Variants in LTV1 observed in about 807,000 individuals in gnomAD.
LTV1 encodes the protein LTV1 ribosome biogenesis factor.
LTV1 carries 39 observed loss-of-function variants against 59.9 expected under a neutral mutation model. That is an observed-to-expected ratio of 0.65 (90% CI 0.50 to 0.85). The LOEUF (loss-of-function observed/expected upper bound fraction) is 0.85. Among genes scored for constraint, LTV1 ranks in the 40% least tolerant of loss-of-function variants. LTV1 has a pLI of 0.00. For synonymous variants in LTV1, 171 were observed against 189.5 expected (o/e 0.90, Z 0.80); for missense variants, 493 against 549.1 (o/e 0.90, Z 1.02).
Position 143,846,097 on chromosome 6 carries a change from T to A in LTV1, c.182T>A (p.Phe61Tyr). The change falls in exon 3 of 11, where the codon TTC becomes TAC. Residue 61 changes from phenylalanine to tyrosine, a missense_variant. Coordinates refer to ENST00000367576, the MANE Select transcript of LTV1 (RefSeq NM_032860.5). ...RRAEQRKYGV[F>Y]FDDDYDYLQH... ...GCAGAACAGAGGAAGTATGGAGTGTTCTTTGATGACGACTATGACTACCTG... is the reference window on the plus strand; with the variant it reads ...GCAGAACAGAGGAAGTATGGAGTGTACTTTGATGACGACTATGACTACCTG... 1 of 1,614,228 alleles carries A rather than the reference T, an allele frequency of 6.2e-7. No homozygotes were observed.
Position 143,857,988 on chromosome 6 carries a change from A to T in LTV1, c.776A>T (p.His259Leu). 1 of 1,614,060 alleles carries T rather than the reference A, an allele frequency of 6.2e-7. No individual in the cohort carries two copies. The highest frequency in any genetic ancestry group is 8.5e-7 in the Non-Finnish European group (1 of 1,179,992). ...VMRRNEQLTL[H>L]DERFEKFYEQ... is the part of the protein sequence containing the mutation. ...AGGAGAAATGAACAGCTGACCCTAC[A>T]TGATGAGAGGTTTGAGAAGGTAAGG... Residue 259 changes from histidine to leucine, a missense_variant, in exon 6 of 11, where the codon CAT becomes CTT. By Grantham distance (99) the His-to-Leu change is moderately conservative (BLOSUM62 -3). Transcript: ENST00000367576. This position sits in a 1 kb window ranked among gnomAD's most constrained non-coding sequence, Gnocchi z 5.2.
intron 4 of LTV1, among the ~76,000 whole-genome samples, chr6:143,851,093 G>A (rs1232973301): frequency 6.6e-6 from 1 of 152,144 alleles, no homozygotes; most frequent in Non-Finnish European, 1.5e-5. Context: ...AAGAGAACGT[G>A]AATATAGGTA....
At chr6:143,854,712 G>T (rs1397806503) in intron 4 of LTV1, among the ~76,000 whole-genome samples, 3 of 151,994 alleles carry the variant, frequency 2.0e-5, no homozygotes, top group African/African-American at 7.2e-5. Flanking sequence ...TACCCCGTAG[G>T]CATTCAGGAG....
Position 143,860,457 on chromosome 6 carries a change from G to A in LTV1, c.827G>A (p.Gly276Glu), listed in dbSNP as rs1777143532. 2 of 1,613,094 alleles carry A rather than the reference G, an allele frequency of 1.2e-6. No homozygotes were observed. ...GAGCAATATGATGATGATGAAATTG[G>A]AGCTCTGGATAATGCAGAATTGGAA... ...FYEQYDDDEI[G>E]ALDNAELEGS... Residue 276 changes from glycine to glutamate, a missense_variant, in exon 7 of 11, where the codon GGA becomes GAA. By Grantham distance (98) the Gly-to-Glu change is moderately conservative. Coordinates refer to ENST00000367576, the MANE Select transcript of LTV1 (RefSeq NM_032860.5).
At chr6:143,858,359 C>G in intron 6 of LTV1, 1 of 227,532 alleles carries the variant, frequency 4.4e-6, no homozygotes, top group East Asian at 9.5e-5. Context: ...TAGTTTTATT[C>G]TCACTAACTG....
rs1337769874 is a variant in LTV1, at chr6:143,862,710, A to G, written c.1064-134A>G. On this transcript the variant is annotated intron_variant, in intron 8 of 10. Transcript: ENST00000367576. The surrounding 1 kb of genome is among the most constrained non-coding windows in gnomAD (Gnocchi z 4.2). ...CAATACTGAGTTGTAAGCAATTTAT[A>G]AAACATTGATCAGAGACTCCAGTGT... 2 of 640,958 alleles carry G rather than the reference A, an allele frequency of 3.1e-6. No individual in the cohort carries two copies. Among genetic ancestry groups the G allele is most frequent in the South Asian group, 1.9e-5 (1 of 51,382 alleles). 39.7% of individuals were successfully genotyped at this position (640,958 alleles called of 1,614,324 possible).
Position 143,857,682 on chromosome 6 carries a change from T to G in LTV1, c.540-70T>G. On this transcript the variant is annotated intron_variant, in intron 5 of 10. Transcript: ENST00000367576. The surrounding 1 kb of genome is among the most constrained non-coding windows in gnomAD (Gnocchi z 5.2). Reference sequence around the variant, plus strand: ...TTCCTGAAATACCTTCCAATTTTACTTGTGTAAAGTGGTTTTGTTCTGTTA... The same window carrying G: ...TTCCTGAAATACCTTCCAATTTTACGTGTGTAAAGTGGTTTTGTTCTGTTA... The G allele has an allele frequency of 6.5e-7, 1 of 1,534,974 alleles. No homozygotes were observed. The highest frequency in any genetic ancestry group is 2.3e-5 in the East Asian group (1 of 44,316).
At chr6:143,845,942 T>G (rs770072625) in intron 2 of LTV1, 109 bp from the exon 3 acceptor site, 1 of 985,978 alleles carries the variant, frequency 1.0e-6, no homozygotes, top group Non-Finnish European at 1.5e-6. Context: ...GCCTCCTACT[T>G]GGAAAGCTGT....
At chr6:143,848,873 T>C (rs1229360437) in intron 3 of LTV1, among the ~76,000 whole-genome samples, 1 of 152,166 alleles carries the variant, frequency 6.6e-6, no homozygotes, top group Non-Finnish European at 1.5e-5. Flanking sequence ...GCCGAGACAG[T>C]GAGCACTGTG....
intron 4 of LTV1, among the ~76,000 whole-genome samples, 167 bp downstream of exon 4, chr6:143,850,385 T>C (rs924584338): frequency 3.3e-5 from 5 of 152,236 alleles, no homozygotes; most frequent in Non-Finnish European, 2.9e-5. Flanking sequence ...TTTGTATTTT[T>C]GTATTCCTAC....
At position 143,850,105 on chromosome 6, in the gene LTV1, A is replaced by T. The variant is rs147331540; in HGVS notation, c.310-26A>T. The T allele has an allele frequency of 3.9e-4, 614 of 1,582,702 alleles. 7 individuals carry two copies. In the African/African-American group the frequency reaches 7.7e-3, roughly 20 times the overall value. ...TTAAGAAGAATTTCCAAATAAACCT[A>T]ACCATTGTGCAATTTCTTTTTCAAG... On this transcript the variant is annotated intron_variant, in intron 3 of 10. Transcript: ENST00000367576.
intron 4 of LTV1, among the ~76,000 whole-genome samples, chr6:143,851,734 C>A (rs567610546): frequency 1.3e-5 from 2 of 152,160 alleles, no homozygotes; most frequent in South Asian, 4.2e-4. Context: ...GGCCCCCATC[C>A]CCCAACAGGC....
rs772594493 is a variant in LTV1 at position 143,862,116 on chromosome 6, G to C, written c.936G>C (p.Leu312Phe). 1 of 1,611,726 alleles carries C rather than the reference G, an allele frequency of 6.2e-7. No homozygotes were observed. Among genetic ancestry groups the C allele is most frequent in the Non-Finnish European group, 8.5e-7 (1 of 1,179,296 alleles). The change falls in exon 8 of 11, where the codon TTG becomes TTC. Residue 312 changes from leucine (L) to phenylalanine (F), a missense_variant. Coordinates refer to ENST00000367576, the MANE Select transcript of LTV1 (RefSeq NM_032860.5). The surrounding 1 kb of genome is among the most constrained non-coding windows in gnomAD (Gnocchi z 4.2). The part of the protein sequence containing the change: ...YKEKAENCVK[L>F]NTLEPLEDQD... ...ACTCGTCTAAAAGTTGTGTAAAATT[G>C]AATACCCTTGAACCCTTGGAGGATC...
Position 143,857,451 on chromosome 6 carries a change from G to C in LTV1, c.539+7G>C. On this transcript the variant is annotated splice_region_variant and intron_variant, in intron 5 of 10. Coordinates refer to ENST00000367576, the MANE Select transcript of LTV1 (RefSeq NM_032860.5). This position sits in a 1 kb window ranked among gnomAD's most constrained non-coding sequence, Gnocchi z 5.2. ...AAGAGGGAATGGATATACAGTATGTGTGGTTTGTTTCAAAGCAGAGATGAT... is the reference window on the plus strand; with the variant it reads ...AAGAGGGAATGGATATACAGTATGTCTGGTTTGTTTCAAAGCAGAGATGAT... The C allele has an allele frequency of 6.2e-7, 1 of 1,612,378 alleles. No homozygotes were observed. Among genetic ancestry groups the C allele is most frequent in the Middle Eastern group, 1.7e-4 (1 of 6,060 alleles).
rs758557295 is a variant in LTV1 at position 143,863,174 on chromosome 6, T to C, written c.1205T>C (p.Ile402Thr). ...CTCACAGCAAAGCAAACTGAAAGAA[T>C]ACAGATGATTAATGGCAGTGATCTT... Reference protein sequence around the residue: ...KGLTAKQTERIQMINGSDLPK... With the variant: ...KGLTAKQTERTQMINGSDLPK... Residue 402 changes from isoleucine to threonine, a missense_variant, in exon 10 of 11, where the codon ATA becomes ACA. Physicochemically the swap from Ile to Thr is moderately conservative, Grantham distance 89 (BLOSUM62 -1). Transcript: ENST00000367576. The surrounding 1 kb of genome is among the most constrained non-coding windows in gnomAD (Gnocchi z 4.5). 1.2e-6 allele frequency: 2 copies of C among 1,613,796 alleles called. No homozygotes were observed. Among genetic ancestry groups the C allele is most frequent in the African/African-American group, 2.7e-5 (2 of 74,912 alleles).
intron 3 of LTV1, among the ~76,000 whole-genome samples, 176 bp from the exon 4 acceptor site, chr6:143,849,955 G>A (rs1456866131): frequency 6.6e-6 from 1 of 152,088 alleles, no homozygotes; most frequent in East Asian, 1.9e-4. Context: ...ATGTGGTCTC[G>A]TTATAGGACC....
At chr6:143,847,355 TTTG>T (rs1020694652) in intron 3 of LTV1, among the ~76,000 whole-genome samples, 1 of 152,122 alleles carries the variant, frequency 6.6e-6, no homozygotes, top group Non-Finnish European at 1.5e-5. Flanking sequence ...AAGACTAACT[TTTG>T]TTGTTGTTGT....
At chr6:143,844,797 G>C (rs957189118) in intron 2 of LTV1, among the ~76,000 whole-genome samples, 180 bp downstream of exon 2, 11 of 151,794 alleles carry the variant, frequency 7.2e-5, no homozygotes, top group Admixed American at 2.0e-4. Flanking sequence ...GAGCCACCAC[G>C]CCTTGCTATG....
At chr6:143,854,234 C>G (rs1280288603) in intron 4 of LTV1, among the ~76,000 whole-genome samples, 2 of 152,186 alleles carry the variant, frequency 1.3e-5, no homozygotes, top group Admixed American at 6.5e-5. Context: ...AGTTTATTTT[C>G]ATAGAGGTGT....
Sources: gnomAD v4.1 joint callset for allele counts (sites outside exome capture counted in the v4.1 genomes callset) on GRCh38, gnomAD v4.1.1 for gene constraint, Gnocchi (gnomAD v3.1) non-coding constraint, MANE v1.5 for transcripts, NCBI Gene and HGNC (gene_info 2026-07-23, HGNC 2026-07-21) for gene names.